Variants in GRM8 observed in about 807,000 individuals in gnomAD.
GRM8 encodes the protein glutamate metabotropic receptor 8.
Under a neutral mutation model 87.2 loss-of-function variants are expected in GRM8, and 47 were observed. That is an observed-to-expected ratio of 0.54 (90% CI 0.43 to 0.69). The LOEUF is 0.69. Ranked by LOEUF, GRM8 falls within the 30% of genes least tolerant of loss-of-function variation. GRM8 has a pLI of 0.00. For missense variants in GRM8, 1,019 were observed against 1,139.2 expected, an observed-to-expected ratio of 0.89 and a Z score of 1.52; for synonymous variants, 396 against 404.5, an observed-to-expected ratio of 0.98 and a Z score of 0.25.
At position 126,837,948 on chromosome 7, in the gene GRM8, C is replaced by T. The variant is rs536154019; in HGVS notation, c.1156+64594G>A. 3.4e-4 allele frequency among the ~76,000 whole-genome samples: 51 copies of T among 152,132 alleles called. 1 individual carries two copies. Among genetic ancestry groups the T allele is most frequent in the Non-Finnish European group, 4.4e-5 (3 of 68,010 alleles). On this transcript the variant is annotated intron_variant, in intron 6 of 10. Coordinates refer to ENST00000339582, the MANE Select transcript of GRM8 (RefSeq NM_000845.3). ...TGCAGAAAATCAAAGACGTGTAGTG[C>T]TTCCCTTAAAAAATCTGAGAAGGAA...
intron 2 of GRM8, among the ~76,000 whole-genome samples, chr7:127,167,377 T>C (rs1224492338): frequency 6.6e-6 from 1 of 152,180 alleles, no homozygotes; most frequent in African/African-American, 2.4e-5. Flanking sequence ...ATATGCAAAC[T>C]TTAAATTAGC....
chr7:127,176,221 C>T (rs1050635640), intron 2 of GRM8, among the ~76,000 whole-genome samples: 6 of 152,076 alleles, frequency 3.9e-5, no homozygotes, highest in Admixed American at 6.6e-5. Flanking sequence ...AATAAAATCA[C>T]ATGAAGTGCT....
chr7:126,735,493 T>C (rs1384171417), intron 7 of GRM8, among the ~76,000 whole-genome samples: 3 of 152,078 alleles, frequency 2.0e-5, no homozygotes, highest in African/African-American at 7.2e-5. Flanking sequence ...CTATTATGTA[T>C]ATGACTATGA....
intron 6 of GRM8, among the ~76,000 whole-genome samples, chr7:126,896,920 T>C (rs1415825216): frequency 6.6e-6 from 1 of 152,158 alleles, no homozygotes; most frequent in East Asian, 1.9e-4. Flanking sequence ...TATATGTCTT[T>C]GTGAGCTCCT....
Position 127,183,574 on chromosome 7 carries a change from T to C in GRM8, c.510+59121A>G, listed in dbSNP as rs1278223234. Among the ~76,000 whole-genome samples the C allele has an allele frequency of 2.0e-5, 3 of 151,666 alleles. No individual in the cohort carries two copies. In the East Asian group the frequency reaches 5.8e-4, roughly 29 times the overall value. ...AAAATTATGGCACTAAATGCATATG[T>C]TAGAAAAGAAGAAAGACATAAAATC... On this transcript the variant is annotated intron_variant, in intron 2 of 10. Coordinates refer to ENST00000339582, the MANE Select transcript of GRM8 (RefSeq NM_000845.3).
intron 3 of GRM8, among the ~76,000 whole-genome samples, chr7:126,955,822 T>A (rs2131637029): frequency 6.6e-6 from 1 of 152,134 alleles, no homozygotes; most frequent in East Asian, 1.9e-4. Flanking sequence ...GATAGGAGTT[T>A]TTTTATTTCC....
intron 6 of GRM8, among the ~76,000 whole-genome samples, chr7:126,775,707 GGC>G (rs1819393290): frequency 6.6e-6 from 1 of 152,006 alleles, no homozygotes; most frequent in Non-Finnish European, 1.5e-5. Context: ...AGAAGCAGCT[GGC>G]TAGGGGAGAG....
intron 8 of GRM8, among the ~76,000 whole-genome samples, chr7:126,554,325 A>T (rs1792904750): frequency 6.6e-6 from 1 of 152,060 alleles, no homozygotes. Flanking sequence ...CATGCCTGTA[A>T]TCCCAGCACT....
At chr7:126,854,461 C>T (rs932383546) in intron 6 of GRM8, among the ~76,000 whole-genome samples, 1 of 152,146 alleles carries the variant, frequency 6.6e-6, no homozygotes, top group Non-Finnish European at 1.5e-5. Flanking sequence ...TGTTAAAACT[C>T]ACATCATTGG....
intron 7 of GRM8, among the ~76,000 whole-genome samples, chr7:126,727,472 A>G (rs545078368): frequency 2.0e-5 from 3 of 152,274 alleles, no homozygotes; most frequent in East Asian, 1.9e-4. Flanking sequence ...TAACAACTCA[A>G]TGGGATCAGT....
At chr7:126,525,232 G>A (rs1584939481) in intron 9 of GRM8, among the ~76,000 whole-genome samples, 1 of 152,142 alleles carries the variant, frequency 6.6e-6, no homozygotes, top group East Asian at 1.9e-4. Context: ...AAGCAGCCTG[G>A]AACTTACCCC....
At chr7:126,702,087 C>T (rs1809996751) in intron 7 of GRM8, among the ~76,000 whole-genome samples, 1 of 152,142 alleles carries the variant, frequency 6.6e-6, no homozygotes, top group Admixed American at 6.6e-5. Flanking sequence ...TTCATTTATT[C>T]AACTCAATTC....
At chr7:126,777,806 C>T (rs2151630440) in intron 6 of GRM8, among the ~76,000 whole-genome samples, 1 of 152,138 alleles carries the variant, frequency 6.6e-6, no homozygotes, top group South Asian at 2.1e-4. Context: ...ACAAAAAAAA[C>T]TTCTTATGAA....
At chr7:126,793,756 G>C (rs577279226) in intron 6 of GRM8, among the ~76,000 whole-genome samples, 1 of 152,182 alleles carries the variant, frequency 6.6e-6, no homozygotes, top group Admixed American at 6.6e-5. Context: ...TAATTGTTCA[G>C]TTTTGCTAAA....
At chr7:126,997,441 C>A (rs1212132723) in intron 3 of GRM8, among the ~76,000 whole-genome samples, 1 of 146,906 alleles carries the variant, frequency 6.8e-6, no homozygotes, top group East Asian at 2.0e-4. Flanking sequence ...AACATCAGAG[C>A]AGAAATAAAT....
chr7:126,540,713 T>C (rs867943831), intron 8 of GRM8, among the ~76,000 whole-genome samples: 15 of 152,182 alleles, frequency 9.9e-5, no homozygotes, highest in Non-Finnish European at 8.8e-5. Flanking sequence ...TTTTATTTTA[T>C]ATATAACATC....
intron 8 of GRM8, among the ~76,000 whole-genome samples, chr7:126,587,845 T>C (rs1023919967): frequency 6.0e-5 from 9 of 148,916 alleles, no homozygotes; most frequent in Admixed American, 4.7e-4. Context: ...AAAAAAGTAA[T>C]GTGAAGTATG....
intron 6 of GRM8, among the ~76,000 whole-genome samples, chr7:126,890,880 C>T (rs1259405541): frequency 1.3e-5 from 2 of 151,986 alleles, no homozygotes; most frequent in African/African-American, 4.8e-5. Context: ...TCTGCAATTT[C>T]CACTCCACAT....
chr7:127,125,952 T>C (rs750412371), intron 2 of GRM8, among the ~76,000 whole-genome samples: 3 of 151,934 alleles, frequency 2.0e-5, no homozygotes, highest in Non-Finnish European at 2.9e-5. Context: ...GTCAGAACCA[T>C]TACTATTAAA....
Sources: allele counts gnomAD v4.1 joint callset (sites outside exome capture counted in the v4.1 genomes callset), GRCh38; gene constraint gnomAD v4.1.1; transcripts MANE v1.5; gene names NCBI Gene and HGNC (gene_info 2026-07-23, HGNC 2026-07-21).